Variants in SHCBP1 observed in about 807,000 individuals in gnomAD.
The protein encoded by SHCBP1 is SHC binding and spindle associated 1, also known as SHC SH2 domain-binding protein 1.
Under a neutral mutation model 75.1 loss-of-function variants are expected in SHCBP1, and 60 were observed. The ratio of observed to expected loss-of-function variants is 0.80; its 90% confidence interval spans 0.65 to 0.99. The LOEUF is 0.99. Among genes scored for constraint, SHCBP1 ranks in the 50% least tolerant of loss-of-function variants. SHCBP1 has a pLI of 0.00. For synonymous variants in SHCBP1, 290 were observed against 293.2 expected (o/e 0.99, Z 0.11); for missense variants, 709 against 809.4 (o/e 0.88, Z 1.50).
intron 4 of SHCBP1, among the ~76,000 whole-genome samples, chr16:46,611,855 A>T (rs754003086): frequency 1.3e-5 from 2 of 152,206 alleles, no homozygotes; most frequent in African/African-American, 2.4e-5. Context: ...TCTTTCCCTA[A>T]TGGTTGCAGC....
intron 10 of SHCBP1, among the ~76,000 whole-genome samples, chr16:46,591,956 T>C (rs1268498730): frequency 2.0e-5 from 3 of 151,794 alleles, no homozygotes; most frequent in African/African-American, 7.3e-5. Flanking sequence ...GCTAGAGCAA[T>C]GCTGAGAGAC....
intron 5 of SHCBP1, among the ~76,000 whole-genome samples, chr16:46,605,597 A>AAAC (rs1567450225): frequency 6.6e-6 from 1 of 152,180 alleles, no homozygotes; most frequent in Non-Finnish European, 1.5e-5. Flanking sequence ...CCTGTCTCAA[A>AAAC]AAACAAACAA....
intron 9 of SHCBP1, among the ~76,000 whole-genome samples, 157 bp from the exon 10 acceptor site, chr16:46,595,827 A>G (rs1227583192): frequency 2.0e-5 from 3 of 152,230 alleles, no homozygotes; most frequent in Non-Finnish European, 2.9e-5. Context: ...AATATAAAAC[A>G]ATGACTATTT....
At chr16:46,596,227 C>T (rs1487389629) in intron 9 of SHCBP1, among the ~76,000 whole-genome samples, 3 of 152,172 alleles carry the variant, frequency 2.0e-5, no homozygotes, top group South Asian at 4.2e-4. Flanking sequence ...TTTTCTAGGC[C>T]GCATGCGGTA....
chr16:46,617,722 T>C lies in SHCBP1; in HGVS notation c.299A>G (p.Glu100Gly). ...LADCKASEVQ[E>G]FTAEFLEKVL... ...CTTCTCCAAGAACTCAGCTGTGAAT[T>C]CCTGTACCTCAGAGGCCTTGCAGTC... Residue 100 changes from glutamate to glycine, a missense_variant, in exon 3 of 13, where the codon GAA becomes GGA. By Grantham distance (98) the Glu-to-Gly change is moderately conservative (BLOSUM62 -2). Transcript: ENST00000303383. 1 of 1,612,792 alleles carries C rather than the reference T, an allele frequency of 6.2e-7. No homozygotes were observed. The highest frequency in any genetic ancestry group is 8.5e-7 in the Non-Finnish European group (1 of 1,180,008).
Position 46,604,289 on chromosome 16 carries a change from A to G in SHCBP1, c.862T>C (p.Leu288=), listed in dbSNP as rs1567449670. ...TTCAACTGTTCCATCTCCGAATACA[A>G]TTTTAACCCTTCCACCATGGAGATA... ...ENISMVEGLK[L]YSEMEQLKQK... The change falls in exon 6 of 13, where the codon TTG becomes CTG. Residue 288 remains leucine (L), a synonymous_variant. Coordinates refer to ENST00000303383, the MANE Select transcript of SHCBP1 (RefSeq NM_024745.5). 2.5e-6 allele frequency: 4 copies of G among 1,614,220 alleles called. No individual in the cohort carries two copies. In the South Asian group the frequency reaches 3.3e-5, roughly 13 times the overall value.
At chr16:46,588,467 C>A (rs1428523457) in intron 10 of SHCBP1, among the ~76,000 whole-genome samples, 3 of 152,036 alleles carry the variant, frequency 2.0e-5, no homozygotes, top group African/African-American at 7.3e-5. Context: ...CAAATAGATG[C>A]AATAAAAACT....
intron 5 of SHCBP1, among the ~76,000 whole-genome samples, chr16:46,605,148 A>T (rs896931869): frequency 2.0e-5 from 3 of 152,246 alleles, no homozygotes; most frequent in Admixed American, 6.5e-5. Flanking sequence ...ATGACCTTGT[A>T]CTGGACAACC....
In SHCBP1 at chr16:46,615,964, A is replaced by C; in HGVS notation, c.578T>G (p.Leu193Arg). The C allele has an allele frequency of 6.2e-7, 1 of 1,614,130 alleles. No individual in the cohort carries two copies. The highest frequency in any genetic ancestry group is 8.5e-7 in the Non-Finnish European group (1 of 1,180,022). Residue 193 changes from leucine (L) to arginine (R), a missense_variant, in exon 4 of 13, where the codon CTT (leucine) becomes CGT (arginine). Transcript: ENST00000303383. ...DDSGVFDQTA[L>R]AIEHVRFFYQ... ...TTCCTACCTGACATGCTCAATTGCA[A>C]GGGCTGTCTGGTCAAACACTCCTGA...
At chr16:46,597,025 G>C (rs1047894940) in intron 9 of SHCBP1, among the ~76,000 whole-genome samples, 1 of 152,002 alleles carries the variant, frequency 6.6e-6, no homozygotes, top group Non-Finnish European at 1.5e-5. Context: ...ACCACGCCCA[G>C]CTTCATAAAT....
Position 46,618,280 on chromosome 16 carries a change from A to T in SHCBP1, c.196T>A (p.Phe66Ile), listed in dbSNP as rs762780620. Residue 66 changes from phenylalanine to isoleucine, a missense_variant, in exon 2 of 13, where the codon TTT (phenylalanine) becomes ATT (isoleucine). Physicochemically the swap from Phe to Ile is conservative, Grantham distance 21. Transcript: ENST00000303383. ...TTTGTTTGGAAAATTTCTGGGAAAA[A>T]GGTTTTTCCTTCTGGCATAAAACTT... Reference protein sequence around the residue: ...LQSFMPEGKTFFPEIFQTNQL... With the variant: ...LQSFMPEGKTIFPEIFQTNQL... The T allele has an allele frequency of 1.2e-6, 2 of 1,613,826 alleles. No individual in the cohort carries two copies. Among genetic ancestry groups the T allele is most frequent in the African/African-American group, 2.7e-5 (2 of 74,904 alleles).
At position 46,616,906 on chromosome 16, in the gene SHCBP1, G is replaced by A. The variant is rs138112155; in HGVS notation, c.387+728C>T. Among the ~76,000 whole-genome samples, 756 of 152,246 alleles carry A rather than the reference G, an allele frequency of 5.0e-3. 2 individuals carry two copies. The highest frequency in any genetic ancestry group is 0.017 in the African/African-American group (714 of 41,534). On this transcript the variant is annotated intron_variant, in intron 3 of 12. Transcript: ENST00000303383. The surrounding 1 kb of genome is among the most constrained non-coding windows in gnomAD (Gnocchi z 4.4). ...ATTTTAAAACTCACAAGCAATAGCT[G>A]CAATCCACTGCCTTGTACATAATCA...
intron 10 of SHCBP1, 80 bp downstream of exon 10, chr16:46,595,472 A>C: frequency 1.8e-6 from 2 of 1,099,562 alleles, no homozygotes; most frequent in Non-Finnish European, 2.8e-6. Context: ...GAGTACACAC[A>C]TACATCTTGG....
chr16:46,614,772 T>C (rs1318903257), intron 4 of SHCBP1, among the ~76,000 whole-genome samples: 1 of 152,244 alleles, frequency 6.6e-6, no homozygotes, highest in Non-Finnish European at 1.5e-5. Context: ...TCTGTACTCT[T>C]GTATTGAAAT....
At chr16:46,609,578 A>G (rs985458078) in intron 4 of SHCBP1, among the ~76,000 whole-genome samples, 2 of 147,504 alleles carry the variant, frequency 1.4e-5, no homozygotes, top group African/African-American at 5.0e-5. Flanking sequence ...CAGCCTCCTG[A>G]GCAGCTGGGA....
chr16:46,583,457 A>G, intron 12 of SHCBP1, 59 bp downstream of exon 12: 1 of 1,518,238 alleles, frequency 6.6e-7, no homozygotes, highest in Non-Finnish European at 8.8e-7. Context: ...ATCCTTAATC[A>G]GCATTTAATG....
chr16:46,617,010 T>TG (rs1319620052), intron 3 of SHCBP1, among the ~76,000 whole-genome samples: 1 of 152,236 alleles, frequency 6.6e-6, no homozygotes, highest in African/African-American at 2.4e-5. Flanking sequence ...CATTTTAGTT[T>TG]ACTAGGGCTT....
intron 5 of SHCBP1, among the ~76,000 whole-genome samples, chr16:46,605,534 G>A (rs1965312202): frequency 6.6e-6 from 1 of 152,166 alleles, no homozygotes; most frequent in African/African-American, 2.4e-5. Flanking sequence ...GCTGCTGTGA[G>A]ATCTAATTAT....
chr16:46,581,183 A>G lies in SHCBP1; in HGVS notation c.*546T>C, dbSNP rs1054042341. On this transcript the variant is annotated 3_prime_UTR_variant, in exon 13 of 13. Coordinates refer to ENST00000303383, the MANE Select transcript of SHCBP1 (RefSeq NM_024745.5). ...TCTATCGCTGTTTTGACGACTGCAT[A>G]GCTCAACAGAAAAATGCGTCCCATT... 1 of 153,780 alleles carries G rather than the reference A, an allele frequency of 6.5e-6. No homozygotes were observed. The highest frequency in any genetic ancestry group is 1.5e-5 in the Non-Finnish European group (1 of 68,944). The allele number at this position is 153,780 out of a possible 1,614,324, so 9.5% of individuals were successfully genotyped here.
Sources: allele counts gnomAD v4.1 joint callset (sites outside exome capture counted in the v4.1 genomes callset), GRCh38; gene constraint gnomAD v4.1.1; non-coding constraint Gnocchi (gnomAD v3.1); transcripts MANE v1.5; gene names NCBI Gene and HGNC (gene_info 2026-07-23, HGNC 2026-07-21).